The following MARCHF1 variants were observed in gnomAD, a reference collection of about 807,000 sequenced individuals.
The protein encoded by MARCHF1 is E3 ubiquitin-protein ligase MARCHF1.
A neutral mutation model predicts 54.2 loss-of-function variants in MARCHF1; 40 were observed. The observed-to-expected ratio is 0.74, with a 90% CI of 0.57 to 0.96. The LOEUF (loss-of-function observed/expected upper bound fraction) is 0.96. Among genes scored for constraint, MARCHF1 ranks in the 40% least tolerant of loss-of-function variants. The pLI is 0.00. For synonymous variants in MARCHF1, 236 were observed against 236.3 expected (o/e 1.00, Z 0.01); for missense variants, 586 against 656.5 (o/e 0.89, Z 1.17).
chr4:163,681,500 A>G (rs1744102260), intron 5 of MARCHF1, among the ~76,000 whole-genome samples: 1 of 152,154 alleles, frequency 6.6e-6, no homozygotes, highest in Non-Finnish European at 1.5e-5. Context: ...CCCATATGTC[A>G]TGGGAAGCAC....
intron 1 of MARCHF1, among the ~76,000 whole-genome samples, chr4:164,254,004 T>TG (rs1289605629): frequency 1.3e-5 from 2 of 152,186 alleles, no homozygotes; most frequent in Non-Finnish European, 2.9e-5. Context: ...TTGGAAGGTA[T>TG]GGAAGGTGGT....
intron 1 of MARCHF1, among the ~76,000 whole-genome samples, chr4:164,180,587 G>C (rs981520590): frequency 6.6e-6 from 1 of 152,154 alleles, no homozygotes; most frequent in African/African-American, 2.4e-5. Flanking sequence ...CCAAGGGAGG[G>C]ATTATGCAGC....
intron 5 of MARCHF1, among the ~76,000 whole-genome samples, chr4:163,665,011 A>AT (rs1203771025): frequency 2.6e-5 from 4 of 152,026 alleles, no homozygotes; most frequent in African/African-American, 9.7e-5. Context: ...CAATTTTAAT[A>AT]TTTTTTTGGA....
intron 4 of MARCHF1, among the ~76,000 whole-genome samples, chr4:163,779,863 G>C (rs1038116303): frequency 6.6e-6 from 1 of 152,008 alleles, no homozygotes; most frequent in African/African-American, 2.4e-5. Flanking sequence ...CCATCCCCTG[G>C]GCAAAACCTC....
intron 4 of MARCHF1, among the ~76,000 whole-genome samples, chr4:163,736,536 G>A (rs1236771271): frequency 2.4e-5 from 1 of 42,258 alleles, no homozygotes; most frequent in Non-Finnish European, 4.8e-5. Flanking sequence ...TGAAACTGCA[G>A]ATAAGGGTTG....
chr4:163,528,775 A>G lies in MARCHF1; in HGVS notation c.1611T>C (p.Gly537=). Residue 537 remains glycine, a synonymous_variant, in exon 10 of 10, where the codon GGT becomes GGC. Transcript: ENST00000514618. Reference sequence around the variant, plus strand: ...AGACTGATACAACTTCAGGGGGGCCACCCTCTGCAGATGGCAGTGAATTTG... The same window carrying G: ...AGACTGATACAACTTCAGGGGGGCCGCCCTCTGCAGATGGCAGTGAATTTG... ...TGANSLPSAE[G]GPPEVVSV The G allele has an allele frequency of 6.2e-7, 1 of 1,612,574 alleles. No individual in the cohort carries two copies. Among genetic ancestry groups the G allele is most frequent in the East Asian group, 2.2e-5 (1 of 44,868 alleles).
At chr4:164,035,871 A>G (rs1657642741) in intron 2 of MARCHF1, among the ~76,000 whole-genome samples, 1 of 150,348 alleles carries the variant, frequency 6.7e-6, no homozygotes, top group South Asian at 2.1e-4. Flanking sequence ...ACCTGAGGAC[A>G]GGAGTTCTAG....
intron 1 of MARCHF1, among the ~76,000 whole-genome samples, chr4:164,320,916 T>C (rs1030679105): frequency 6.6e-5 from 10 of 152,284 alleles, no homozygotes; most frequent in South Asian, 2.1e-4. Context: ...GCCAGATAAG[T>C]GTCAGCAAAG....
At chr4:164,033,733 A>C (rs1287761561) in intron 2 of MARCHF1, among the ~76,000 whole-genome samples, 1 of 152,214 alleles carries the variant, frequency 6.6e-6, no homozygotes, top group East Asian at 1.9e-4. Context: ...ATACCATCTC[A>C]TGCCAGTCAG....
At chr4:163,550,075 G>T (rs755888683) in intron 8 of MARCHF1, among the ~76,000 whole-genome samples, 70 of 152,110 alleles carry the variant, frequency 4.6e-4, no homozygotes, top group Non-Finnish European at 8.7e-4. Flanking sequence ...CTGAGCGCAG[G>T]AGTTCGCCAC....
At chr4:164,381,925 G>A (rs1731383070) in intron 1 of MARCHF1, among the ~76,000 whole-genome samples, 1 of 152,154 alleles carries the variant, frequency 6.6e-6, no homozygotes, top group Non-Finnish European at 1.5e-5. Flanking sequence ...AAAAAAAACT[G>A]TATCACAGAA....
chr4:164,023,761 G>A (rs77969199), intron 2 of MARCHF1, among the ~76,000 whole-genome samples: 3,616 of 152,168 alleles, frequency 0.024, 129 homozygotes, highest in African/African-American at 0.078. Flanking sequence ...GACAGACATA[G>A]AATTCAAAAT....
intron 4 of MARCHF1, among the ~76,000 whole-genome samples, chr4:163,703,824 G>C (rs13118817): frequency 0.36 from 54,402 of 151,792 alleles, 11,285 homozygotes; most frequent in Non-Finnish European, 0.48. Context: ...TAATAGTTCT[G>C]TTTTGTGACT....
At chr4:163,718,968 C>T (rs892948961) in intron 4 of MARCHF1, among the ~76,000 whole-genome samples, 1 of 152,124 alleles carries the variant, frequency 6.6e-6, no homozygotes, top group Admixed American at 6.5e-5. Flanking sequence ...TTATACAGTT[C>T]TGCCACATGT....
At chr4:163,887,272 A>T (rs779595665) in intron 3 of MARCHF1, among the ~76,000 whole-genome samples, 4 of 152,106 alleles carry the variant, frequency 2.6e-5, no homozygotes, top group Non-Finnish European at 4.4e-5. Context: ...TGAGATCAAA[A>T]AGGGGGTTTT....
intron 4 of MARCHF1, among the ~76,000 whole-genome samples, chr4:163,811,383 C>T (rs1189434056): frequency 6.6e-6 from 1 of 152,030 alleles, no homozygotes; most frequent in African/African-American, 2.4e-5. Context: ...GAAACCAAAA[C>T]TGCTGGGTGG....
intron 7 of MARCHF1, among the ~76,000 whole-genome samples, chr4:163,597,989 C>T (rs1281215906): frequency 6.6e-6 from 1 of 152,196 alleles, no homozygotes; most frequent in Non-Finnish European, 1.5e-5. Flanking sequence ...TCCCCTCCTC[C>T]TTCAGATACA....
At chr4:164,044,811 C>T (rs1025958475) in intron 2 of MARCHF1, among the ~76,000 whole-genome samples, 1 of 143,914 alleles carries the variant, frequency 6.9e-6, no homozygotes, top group Non-Finnish European at 1.5e-5. Flanking sequence ...TATATATGGA[C>T]ACTATAGACT....
chr4:163,913,679 C>A (rs1400797542), intron 3 of MARCHF1, among the ~76,000 whole-genome samples: 1 of 152,150 alleles, frequency 6.6e-6, no homozygotes, highest in Non-Finnish European at 1.5e-5. Context: ...AATGAGCCTT[C>A]CTCTGGATAG....
Sources: gnomAD v4.1 joint callset for allele counts (sites outside exome capture counted in the v4.1 genomes callset) on GRCh38, gnomAD v4.1.1 for gene constraint, MANE v1.5 for transcripts, NCBI Gene and HGNC (gene_info 2026-07-23, HGNC 2026-07-21) for gene names.